Variants in TMEM165 observed in about 807,000 individuals in gnomAD.
The protein encoded by TMEM165 is transmembrane protein 165, also known as putative divalent cation/proton antiporter TMEM165.
A neutral mutation model predicts 30.0 loss-of-function variants in TMEM165; 19 were observed. That is an observed-to-expected ratio of 0.63 (90% CI 0.44 to 0.93). TMEM165 has a LOEUF of 0.93. Ranked by LOEUF, TMEM165 falls within the 40% of genes least tolerant of loss-of-function variation. The pLI, the probability that TMEM165 is intolerant of heterozygous loss-of-function variation, is 0.00. For synonymous variants in TMEM165, 168 were observed against 162.9 expected, an observed-to-expected ratio of 1.03 and a Z score of -0.24; for missense variants, 340 against 417.0, an observed-to-expected ratio of 0.82 and a Z score of 1.61.
intron 3 of TMEM165, chr4:55,432,914 T>C (rs1560406173): frequency 6.6e-6 from 1 of 152,650 alleles, no homozygotes; most frequent in Non-Finnish European, 1.5e-5. Context: ...GTAAACAGTT[T>C]AGACGTTTAC....
At chr4:55,445,105 T>TCCCGGTTAGCCTTGTCAGC (rs147009588) in intron 3 of TMEM165, among the ~76,000 whole-genome samples, 6 of 136,990 alleles carry the variant, frequency 4.4e-5, no homozygotes, top group Non-Finnish European at 4.9e-5. Context: ...ACGGGAAGCT[T>TCCCGGTTAGCCTTGTCAGC]TTAATATTTT....
intron 1 of TMEM165, among the ~76,000 whole-genome samples, chr4:55,402,505 T>C (rs868581165): frequency 1.6e-5 from 2 of 127,380 alleles, no homozygotes; most frequent in Non-Finnish European, 3.1e-5. Context: ...TGGAGTGCAG[T>C]GGTGAGATCT....
chr4:55,426,734 T>C (rs949478310), downstream of TMEM165, among the ~76,000 whole-genome samples: 3 of 152,164 alleles, frequency 2.0e-5, no homozygotes, highest in Non-Finnish European at 2.9e-5. Flanking sequence ...TTTGAAGAGA[T>C]TGTGAAAGAA....
At chr4:55,446,940 A>C (rs1723902643) in intron 3 of TMEM165, among the ~76,000 whole-genome samples, 1 of 152,248 alleles carries the variant, frequency 6.6e-6, no homozygotes, top group Non-Finnish European at 1.5e-5. Context: ...TTCAGGGCAC[A>C]CAACTTTGAT....
intron 3 of TMEM165, chr4:55,444,716 T>A: frequency 6.2e-7 from 1 of 1,614,150 alleles, no homozygotes; most frequent in Non-Finnish European, 8.5e-7. Context: ...TTTGCTTCTA[T>A]CATGCGTGTC....
At chr4:55,437,773 C>T (rs988384873) in intron 3 of TMEM165, among the ~76,000 whole-genome samples, 1 of 152,168 alleles carries the variant, frequency 6.6e-6, no homozygotes, top group Non-Finnish European at 1.5e-5. Flanking sequence ...AGCCCAAGTT[C>T]TTAGCTATAC....
chr4:55,426,431 CTAATGTCATTCATTATGCTA>C (rs1487395977), downstream of TMEM165, among the ~76,000 whole-genome samples: 1 of 152,136 alleles, frequency 6.6e-6, no homozygotes, highest in African/African-American at 2.4e-5. Context: ...ATTCCAGAGC[CTAATGTCATTCATTATGCTA>C]AGACTACCTC....
In TMEM165 at chr4:55,417,175, A is replaced by G. The variant is rs2109552020; in HGVS notation, c.537A>G (p.Leu179=). 1 of 1,614,138 alleles carries G rather than the reference A, an allele frequency of 6.2e-7. No homozygotes were observed. The highest frequency in any genetic ancestry group is 8.5e-7 in the Non-Finnish European group (1 of 1,180,030). The change falls in exon 3 of 6, where the codon TTA becomes TTG. Residue 179 remains leucine (L), a synonymous_variant. Transcript: ENST00000381334. ...IFGIRMLREG[L]KMSPDEGQEE... The stretch of plus-strand genomic sequence containing the variant: ...GCATTAGAATGCTTCGGGAAGGCTT[A>G]AAGATGAGCCCTGATGAGGGTCAAG...
chr4:55,396,050 C>T lies in TMEM165; in HGVS notation c.-140C>T. Reference sequence around the variant, plus strand: ...CACCTCACTCCCGCTGCTTGCACCTCCCGGATGGTGCTGACTGCTCCCTAA... The same window carrying T: ...CACCTCACTCCCGCTGCTTGCACCTTCCGGATGGTGCTGACTGCTCCCTAA... On this transcript the variant is annotated 5_prime_UTR_variant, in exon 1 of 6. Transcript: ENST00000381334. 3.3e-6 allele frequency: 2 copies of T among 608,580 alleles called. No homozygotes were observed. Among genetic ancestry groups the T allele is most frequent in the South Asian group, 5.3e-5 (1 of 19,026 alleles). The allele number at this position is 608,580 out of a possible 1,614,324, so 37.7% of individuals were successfully genotyped here.
At chr4:55,420,152 T>A (rs1236727232) in intron 4 of TMEM165, among the ~76,000 whole-genome samples, 4 of 121,574 alleles carry the variant, frequency 3.3e-5, no homozygotes, top group East Asian at 2.9e-4. Flanking sequence ...TTTATTTTAT[T>A]TATTTATTTA....
chr4:55,444,481 A>G (rs1436759266), intron 3 of TMEM165: 2 of 866,834 alleles, frequency 2.3e-6, no homozygotes, highest in African/African-American at 3.3e-5. Context: ...CTGTAAGTAT[A>G]ATCATACTGA....
chr4:55,405,066 C>T (rs934432631), intron 1 of TMEM165, among the ~76,000 whole-genome samples: 1 of 152,092 alleles, frequency 6.6e-6, no homozygotes, highest in African/African-American at 2.4e-5. Flanking sequence ...TTTCCTCCCT[C>T]CACCTTCTTT....
intron 4 of TMEM165, chr4:55,423,294 C>G (rs1722057731): frequency 6.6e-6 from 1 of 152,228 alleles, no homozygotes; most frequent in Non-Finnish European, 1.5e-5. Flanking sequence ...TAATTTCTCT[C>G]AAATTCACCT....
At chr4:55,406,507 A>G (rs980304294) in intron 1 of TMEM165, among the ~76,000 whole-genome samples, 12 of 152,302 alleles carry the variant, frequency 7.9e-5, no homozygotes, top group Admixed American at 2.0e-4. Context: ...ACACATACTT[A>G]GTATATACTT....
chr4:55,418,596 T>C (rs946843493), intron 4 of TMEM165, among the ~76,000 whole-genome samples: 8 of 152,120 alleles, frequency 5.3e-5, no homozygotes, highest in Non-Finnish European at 1.0e-4. Flanking sequence ...AGACTACTTA[T>C]AATTATTGTA....
intron 2 of TMEM165, chr4:55,415,164 A>G (rs901339141): frequency 2.6e-5 from 4 of 152,246 alleles, no homozygotes; most frequent in Admixed American, 2.6e-4. Context: ...TACTTCTTGC[A>G]TATTCACCAG....
At position 55,444,871 on chromosome 4, in the gene TMEM165, A is replaced by C. The variant is rs146099049; in HGVS notation, c.409-7368A>C. 364 of 1,343,120 alleles carry C rather than the reference A, an allele frequency of 2.7e-4. 1 individual carries two copies. The African/African-American group carries it at 4.6e-3, about 17-fold the overall frequency. The allele number at this position is 1,343,120 out of a possible 1,614,324, so 83.2% of individuals were successfully genotyped here. A position where few individuals can be genotyped will look rare whatever the true frequency, so the allele number is the denominator to read the frequency against. On this transcript the variant is annotated intron_variant, in intron 3 of 3. Coordinates refer to the TMEM165 transcript ENST00000608091. ...GCACAACATGAAAAGTAAGCAGTAT[A>C]ACATGAGTGAAGGATGATAACATCC...
intron 3 of TMEM165, among the ~76,000 whole-genome samples, chr4:55,441,886 C>G (rs1447558745): frequency 6.6e-6 from 1 of 152,196 alleles, no homozygotes; most frequent in Non-Finnish European, 1.5e-5. Context: ...GAAATGAAGA[C>G]ACCAAGGTCT....
intron 3 of TMEM165, chr4:55,450,119 T>G: frequency 6.2e-7 from 1 of 1,614,150 alleles, no homozygotes; most frequent in East Asian, 2.2e-5. Flanking sequence ...CCGTGTGAGA[T>G]GATTTTCTTG....
Sources: allele counts gnomAD v4.1 joint callset (sites outside exome capture counted in the v4.1 genomes callset), GRCh38; gene constraint gnomAD v4.1.1; transcripts MANE v1.5; gene names NCBI Gene and HGNC (gene_info 2026-07-23, HGNC 2026-07-21).